The following FTCDNL1 variants were observed in gnomAD, a reference collection of about 807,000 sequenced individuals.
FTCDNL1 encodes formiminotransferase cyclodeaminase N-terminal like, also known as formiminotransferase N-terminal subdomain-containing protein.
Under a neutral mutation model 5.9 loss-of-function variants are expected in FTCDNL1, and 11 were observed. That is an observed-to-expected ratio of 1.87 (90% CI 1.18 to 3.10). FTCDNL1 has a LOEUF of 3.10. Ranked by LOEUF, FTCDNL1 falls within the 30% of genes most tolerant of loss-of-function variation. FTCDNL1 has a pLI of 0.00. For missense variants in FTCDNL1, 115 were observed against 65.5 expected (o/e 1.76, Z -2.61); for synonymous variants, 58 against 24.8 (o/e 2.34, Z -3.99).
the FTCDNL1 span, among the ~76,000 whole-genome samples, chr2:199,708,302 C>T: frequency 0.051 from 7,760 of 151,936 alleles, 691 homozygotes; most frequent in African/African-American, 0.18. Context: ...AATTCCTTTC[C>T]TCACCATGCA....
At chr2:199,738,231 CAGA>C in the FTCDNL1 span, among the ~76,000 whole-genome samples, 1 of 152,210 alleles carries the variant, frequency 6.6e-6, no homozygotes, top group Non-Finnish European at 1.5e-5. Context: ...ATGGCTCATT[CAGA>C]AGCTCTTGAC....
chr2:199,847,528 C>T (rs1219925083), intron 2 of FTCDNL1, among the ~76,000 whole-genome samples: 1 of 152,174 alleles, frequency 6.6e-6, no homozygotes, highest in Non-Finnish European at 1.5e-5. Context: ...CACTCTCCTG[C>T]AATTTCTTAA....
At chr2:199,845,595 T>C (rs1470257131) in intron 3 of FTCDNL1, among the ~76,000 whole-genome samples, 1 of 152,026 alleles carries the variant, frequency 6.6e-6, no homozygotes, top group Non-Finnish European at 1.5e-5. Flanking sequence ...TAATCTGTCC[T>C]ATGCTTGCTG....
At chr2:199,775,597 C>T (rs1699018238) in intron 3 of FTCDNL1, among the ~76,000 whole-genome samples, 2 of 152,222 alleles carry the variant, frequency 1.3e-5, no homozygotes, top group African/African-American at 4.8e-5. Context: ...CCTTTTTCTG[C>T]TCCAGATATC....
At chr2:199,781,305 C>T (rs963959938) in intron 3 of FTCDNL1, among the ~76,000 whole-genome samples, 8 of 152,192 alleles carry the variant, frequency 5.3e-5, no homozygotes, top group Admixed American at 5.2e-4. Flanking sequence ...GAAGCAGCTC[C>T]TCAGGCTCTG....
intron 3 of FTCDNL1, among the ~76,000 whole-genome samples, chr2:199,798,850 G>A (rs895470768): frequency 1.3e-5 from 2 of 152,194 alleles, no homozygotes; most frequent in African/African-American, 2.4e-5. Context: ...TGGAAGTCGG[G>A]AAAACCACAA....
chr2:199,719,505 T>A, the FTCDNL1 span, among the ~76,000 whole-genome samples: 21 of 152,220 alleles, frequency 1.4e-4, no homozygotes, highest in Non-Finnish European at 2.2e-4. Flanking sequence ...CCTTGGCTAT[T>A]CAGGCTATTT....
chr2:199,676,367 T>G, the FTCDNL1 span, among the ~76,000 whole-genome samples: 14 of 152,242 alleles, frequency 9.2e-5, no homozygotes, highest in Middle Eastern at 3.4e-3. Context: ...ATAGATTCCA[T>G]TTTTAATGTA....
intron 3 of FTCDNL1, among the ~76,000 whole-genome samples, chr2:199,774,640 T>G (rs1359311170): frequency 1.3e-5 from 2 of 152,052 alleles, no homozygotes; most frequent in African/African-American, 4.8e-5. Context: ...CCCACCCAGG[T>G]ATCCCCTTTC....
the FTCDNL1 span, among the ~76,000 whole-genome samples, chr2:199,682,874 G>A: frequency 3.9e-4 from 59 of 152,208 alleles, no homozygotes; most frequent in African/African-American, 8.9e-4. Context: ...ATTCATCATC[G>A]AATGATTAAC....
At chr2:199,671,930 T>G in the FTCDNL1 span, among the ~76,000 whole-genome samples, 1 of 152,210 alleles carries the variant, frequency 6.6e-6, no homozygotes, top group African/African-American at 2.4e-5. Context: ...TTTTATTGTA[T>G]CTGTTTATAA....
At chr2:199,751,777 C>G in the FTCDNL1 span, among the ~76,000 whole-genome samples, 1 of 149,508 alleles carries the variant, frequency 6.7e-6, no homozygotes, top group African/African-American at 2.5e-5. Context: ...AATTTTGCTC[C>G]TTGACTAGTA....
At chr2:199,703,353 G>A in the FTCDNL1 span, among the ~76,000 whole-genome samples, 2 of 152,074 alleles carry the variant, frequency 1.3e-5, no homozygotes, top group Non-Finnish European at 2.9e-5. Context: ...TGGCTAAACT[G>A]AGATGTGCTG....
the FTCDNL1 span, among the ~76,000 whole-genome samples, chr2:199,700,916 T>C: frequency 2.0e-5 from 3 of 149,340 alleles, no homozygotes; most frequent in East Asian, 5.8e-4. Flanking sequence ...TAACCCTTTC[T>C]CAACTAGAAA....
intron 3 of FTCDNL1, among the ~76,000 whole-genome samples, chr2:199,802,251 G>T (rs1205931317): frequency 2.0e-5 from 3 of 152,154 alleles, no homozygotes; most frequent in Non-Finnish European, 4.4e-5. Context: ...CTCCATACAA[G>T]TGAGGGCACC....
chr2:199,679,626 CTTTT>C, the FTCDNL1 span, among the ~76,000 whole-genome samples: 2 of 150,998 alleles, frequency 1.3e-5, no homozygotes, highest in African/African-American at 4.9e-5. Context: ...ACATAGACAT[CTTTT>C]TTTTTATTTT....
intron 3 of FTCDNL1, among the ~76,000 whole-genome samples, chr2:199,783,659 T>C (rs1390500074): frequency 6.6e-6 from 1 of 152,138 alleles, no homozygotes; most frequent in African/African-American, 2.4e-5. Flanking sequence ...TCCTGTCCCA[T>C]ACAGCCTCTC....
chr2:199,782,564 G>A (rs1315554760), intron 3 of FTCDNL1, among the ~76,000 whole-genome samples: 1 of 152,146 alleles, frequency 6.6e-6, no homozygotes, highest in Non-Finnish European at 1.5e-5. Context: ...TCTACTAACT[G>A]GCAGTTATGT....
At chr2:199,822,182 TGCTTGAGATCAGGA>T (rs2106522228) in intron 3 of FTCDNL1, among the ~76,000 whole-genome samples, 1 of 152,174 alleles carries the variant, frequency 6.6e-6, no homozygotes, top group East Asian at 1.9e-4. Context: ...GAGGGAGGAT[TGCTTGAGATCAGGA>T]GTTTGAGACC....
Sources: allele counts gnomAD v4.1 joint callset (sites outside exome capture counted in the v4.1 genomes callset), GRCh38; gene constraint gnomAD v4.1.1; transcripts MANE v1.5; gene names NCBI Gene and HGNC (gene_info 2026-07-23, HGNC 2026-07-21).